The following METTL25B variants were observed in gnomAD, a reference collection of about 807,000 sequenced individuals.
METTL25B encodes the protein methyltransferase-like protein 25B.
METTL25B carries 38 observed loss-of-function variants against 48.4 expected under a neutral mutation model. The observed-to-expected ratio is 0.78, with a 90% CI of 0.61 to 1.03. The LOEUF (loss-of-function observed/expected upper bound fraction) is 1.03, where lower values mean the gene tolerates loss of function less well. METTL25B is among the 50% of genes least tolerant of loss of function. The pLI, the probability that METTL25B is intolerant of heterozygous loss-of-function variation, is 0.00. For synonymous variants in METTL25B, 230 were observed against 254.5 expected (o/e 0.90, Z 0.92); for missense variants, 537 against 603.7 (o/e 0.89, Z 1.16).
In METTL25B at chr1:156,732,980, T is replaced by C. The variant is rs1649422921; in HGVS notation, c.430-5T>C. ...CTAGGAGACCTTTGTTTCCTCCTTTTTCAGTTGGTGAAGAAGCTGAGTGAT... is the reference window on the plus strand; with the variant it reads ...CTAGGAGACCTTTGTTTCCTCCTTTCTCAGTTGGTGAAGAAGCTGAGTGAT... On this transcript the variant is annotated splice_polypyrimidine_tract_variant and splice_region_variant and intron_variant, in intron 3 of 7. Coordinates refer to ENST00000368216, the MANE Select transcript of METTL25B (RefSeq NM_015997.4). 9 of 1,614,116 alleles carry C rather than the reference T, an allele frequency of 5.6e-6. No individual in the cohort carries two copies. The highest frequency in any genetic ancestry group is 7.6e-6 in the Non-Finnish European group (9 of 1,179,982).
Position 156,734,499 on chromosome 1 carries a change from G to A in METTL25B, c.1121+6G>A. The A allele has an allele frequency of 6.4e-7, 1 of 1,565,858 alleles. No homozygotes were observed. Among genetic ancestry groups the A allele is most frequent in the South Asian group, 1.2e-5 (1 of 86,232 alleles). ...CACGAGCTCAAGATTGAAGAGTGAG[G>A]TTGGGGGACGGGTGGGGGGCAGTGG... On this transcript the variant is annotated splice_donor_region_variant and intron_variant, in intron 6 of 7. Transcript: ENST00000368216.
intron 1 of METTL25B, among the ~76,000 whole-genome samples, chr1:156,730,820 G>T (rs1649222045): frequency 6.6e-6 from 1 of 152,356 alleles, no homozygotes; most frequent in Middle Eastern, 3.4e-3. Context: ...TTCTACATCT[G>T]TAAAATGGGG....
In METTL25B at chr1:156,736,941, G is replaced by C; in HGVS notation, c.*188G>C. 3.4e-6 allele frequency: 2 copies of C among 592,840 alleles called. No individual in the cohort carries two copies. The highest frequency in any genetic ancestry group is 5.7e-6 in the Non-Finnish European group (2 of 351,580). 36.7% of individuals were successfully genotyped at this position (592,840 alleles called of 1,614,324 possible). On this transcript the variant is annotated 3_prime_UTR_variant, in exon 8 of 8. Coordinates refer to ENST00000368216, the MANE Select transcript of METTL25B (RefSeq NM_015997.4). ...GTAAAGTTTTAATTAATTAAAAATT[G>C]GATATCTGTTTCCTTCCCATTTCTG...
intron 2 of METTL25B, 31 bp from the exon 3 acceptor site, chr1:156,732,250 T>G (rs1350030439): frequency 6.2e-7 from 1 of 1,612,552 alleles, no homozygotes. Context: ...GATGGGACTA[T>G]TCACTGGAGG....
intron 6 of METTL25B, 35 bp downstream of exon 6, chr1:156,734,528 G>A (rs1649574376): frequency 2.0e-6 from 3 of 1,489,618 alleles, no homozygotes; most frequent in Admixed American, 2.6e-5. Context: ...GCAGTGGAGA[G>A]GAGATTTCTT....
Position 156,732,349 on chromosome 1 carries a change from G to T in METTL25B, c.305G>T (p.Arg102Leu). 1 of 1,614,200 alleles carries T rather than the reference G, an allele frequency of 6.2e-7. No individual in the cohort carries two copies. The highest frequency in any genetic ancestry group is 8.5e-7 in the Non-Finnish European group (1 of 1,180,034). Residue 102 changes from arginine to leucine, a missense_variant, in exon 3 of 8, where the codon CGG (arginine) becomes CTG (leucine). Coordinates refer to ENST00000368216, the MANE Select transcript of METTL25B (RefSeq NM_015997.4). ...KSTACALAFT[R>L]MPGFQTPSEF... ...ACGGCGTGTGCCCTGGCCTTTACCC[G>T]GATGCCTGGCTTTCAGACCCCCTCA...
At position 156,728,909 on chromosome 1, in the gene METTL25B, G is replaced by T; in HGVS notation, c.-196G>T. Reference sequence around the variant, plus strand: ...TTCTCACTGTGAAACGTCGCGACCTGTGACGTCTGGGGGGCGCCTCAAATC... The same window carrying T: ...TTCTCACTGTGAAACGTCGCGACCTTTGACGTCTGGGGGGCGCCTCAAATC... On this transcript the variant is annotated 5_prime_UTR_variant, in exon 1 of 8. Coordinates refer to ENST00000368216, the MANE Select transcript of METTL25B (RefSeq NM_015997.4). 2 of 584,718 alleles carry T rather than the reference G, an allele frequency of 3.4e-6. No individual in the cohort carries two copies. The highest frequency in any genetic ancestry group is 5.5e-6 in the Non-Finnish European group (2 of 360,370). The allele number at this position is 584,718 out of a possible 1,614,324, so 36.2% of individuals were successfully genotyped here.
intron 1 of METTL25B, among the ~76,000 whole-genome samples, chr1:156,731,653 G>T (rs568672675): frequency 2.0e-5 from 3 of 152,320 alleles, no homozygotes; most frequent in African/African-American, 4.8e-5. Flanking sequence ...AAGTGTTAGG[G>T]ATGCAGATGT....
At chr1:156,729,581 A>G (rs1649073713) in intron 1 of METTL25B, 1 of 187,612 alleles carries the variant, frequency 5.3e-6, no homozygotes. Flanking sequence ...ATGCGTGGAC[A>G]TTGGAACCAT....
At chr1:156,729,245 C>T (rs1649014387) in intron 1 of METTL25B, 30 bp downstream of exon 1, 1 of 1,422,790 alleles carries the variant, frequency 7.0e-7, no homozygotes, top group Non-Finnish European at 9.9e-7. Flanking sequence ...GGTGGGATGT[C>T]TCTGGTCGTG....
chr1:156,734,601 G>C, intron 6 of METTL25B, 108 bp downstream of exon 6: 1 of 1,228,094 alleles, frequency 8.1e-7, no homozygotes. Context: ...GAGCGATCTC[G>C]GCTCACTGCA....
rs201832387 is a variant in METTL25B at position 156,735,736 on chromosome 1, G to A, written c.1133G>A (p.Arg378Gln). 24 of 1,608,946 alleles carry A rather than the reference G, an allele frequency of 1.5e-5. No homozygotes were observed. The East Asian group carries it at 1.6e-4, about 11-fold the overall frequency. Reference sequence around the variant, plus strand: ...GACTGATCCCACAGATATGTGCAGCGGGGGCTACAGCGAGTGGGGCTAGAT... The same window carrying A: ...GACTGATCCCACAGATATGTGCAGCAGGGGCTACAGCGAGTGGGGCTAGAT... The part of the protein sequence containing the change: ...HELKIEEYVQ[R>Q]GLQRVGLDPQ... Residue 378 changes from arginine (R) to glutamine (Q), a missense_variant, in exon 7 of 8, where the codon CGG (arginine) becomes CAG (glutamine). Transcript: ENST00000368216.
chr1:156,728,669 G>A lies in METTL25B; in HGVS notation c.-436G>A, dbSNP rs906028198. ...TGCGCTCCCCGGCCCCTCTAGCCCCGTGGTGGTACAACGCGAAGGTGTGGG... is the reference window on the plus strand; with the variant it reads ...TGCGCTCCCCGGCCCCTCTAGCCCCATGGTGGTACAACGCGAAGGTGTGGG... On this transcript the variant is annotated 5_prime_UTR_variant, in exon 1 of 8. It adds an upstream start codon to the 5' untranslated region. Transcript: ENST00000368216. The A allele has an allele frequency of 9.1e-6, 9 of 987,636 alleles. No individual in the cohort carries two copies. The highest frequency in any genetic ancestry group is 1.7e-5 in the African/African-American group (1 of 57,292). The allele number at this position is 987,636 out of a possible 1,614,324, so 61.2% of individuals were successfully genotyped here.
Position 156,728,487 on chromosome 1 carries a change from C to T in METTL25B, c.-618C>T, listed in dbSNP as rs542253646. 4.1e-6 allele frequency: 4 copies of T among 985,646 alleles called. No individual in the cohort carries two copies. The highest frequency in any genetic ancestry group is 3.5e-5 in the African/African-American group (2 of 57,370). The allele number at this position is 985,646 out of a possible 1,614,324, so 61.1% of individuals were successfully genotyped here. A position where few individuals can be genotyped will look rare whatever the true frequency, so the allele number is the denominator to read the frequency against. Reference sequence around the variant, plus strand: ...GGAAATCGGTGCGCGCCGACGAAGCCCGGGAAGGCAGGCGCGCGGGTTAGA... The same window carrying T: ...GGAAATCGGTGCGCGCCGACGAAGCTCGGGAAGGCAGGCGCGCGGGTTAGA... On this transcript the variant is annotated 5_prime_UTR_variant, in exon 1 of 8. Transcript: ENST00000368216.
In METTL25B at chr1:156,732,359, C is replaced by T; in HGVS notation, c.315C>T (p.Gly105=). 6.2e-7 allele frequency: 1 copy of T among 1,614,222 alleles called. No individual in the cohort carries two copies. Among genetic ancestry groups the T allele is most frequent in the African/African-American group, 1.3e-5 (1 of 75,050 alleles). The change falls in exon 3 of 8, where the codon GGC becomes GGT. Residue 105 remains glycine (G), a synonymous_variant. Coordinates refer to ENST00000368216, the MANE Select transcript of METTL25B (RefSeq NM_015997.4). Reference sequence around the variant, plus strand: ...CCCTGGCCTTTACCCGGATGCCTGGCTTTCAGACCCCCTCAGAATTCCTGG... The same window carrying T: ...CCCTGGCCTTTACCCGGATGCCTGGTTTTCAGACCCCCTCAGAATTCCTGG... ...ACALAFTRMP[G]FQTPSEFLEN...
chr1:156,733,447 T>C lies in METTL25B; in HGVS notation c.563T>C (p.Leu188Pro). Residue 188 changes from leucine (L) to proline (P), a missense_variant, in exon 5 of 8, where the codon CTG becomes CCG. Coordinates refer to ENST00000368216, the MANE Select transcript of METTL25B (RefSeq NM_015997.4). ...AAGAGCATCGAAGGGGATCAGAGAC[T>C]GGTGGAGAGAGCCCAGCGCCTGGAC... is the stretch of plus-strand genomic sequence containing the variant. ...MVKSIEGDQR[L>P]VERAQRLDQE... The C allele has an allele frequency of 6.2e-7, 1 of 1,614,072 alleles. No individual in the cohort carries two copies. Among genetic ancestry groups the C allele is most frequent in the Non-Finnish European group, 8.5e-7 (1 of 1,179,980 alleles).
chr1:156,736,079 G>C, intron 7 of METTL25B, 170 bp downstream of exon 7: 2 of 555,936 alleles, frequency 3.6e-6, no homozygotes, highest in East Asian at 6.5e-5. Context: ...AAAAAATTAA[G>C]AATCCAGGCT....
chr1:156,730,886 C>T (rs1348604409), intron 1 of METTL25B, among the ~76,000 whole-genome samples: 1 of 152,236 alleles, frequency 6.6e-6, no homozygotes, highest in African/African-American at 2.4e-5. Context: ...TGCATTAATA[C>T]ATGTCAAATG....
At chr1:156,729,421 CTTTTTT>C (rs796968359) in intron 1 of METTL25B, 9 of 323,844 alleles carry the variant, frequency 2.8e-5, no homozygotes, top group South Asian at 5.7e-5. Context: ...TTTTCTTTTT[CTTTTTT>C]TTTTTCTTTT....
Sources: gnomAD v4.1 joint callset for allele counts (sites outside exome capture counted in the v4.1 genomes callset) on GRCh38, gnomAD v4.1.1 for gene constraint, MANE v1.5 for transcripts, NCBI Gene and HGNC (gene_info 2026-07-23, HGNC 2026-07-21) for gene names.